The following AFG1L variants were observed in gnomAD, a reference collection of about 807,000 sequenced individuals.
AFG1L encodes the protein AFG1-like ATPase.
A neutral mutation model predicts 62.2 loss-of-function variants in AFG1L; 53 were observed. The ratio of observed to expected loss-of-function variants is 0.85; its 90% CI spans 0.68 to 1.07. The LOEUF is 1.07. AFG1L is among the 50% of genes least tolerant of loss of function. The pLI, the probability that AFG1L is intolerant of heterozygous loss-of-function variation, is 0.00. For missense variants in AFG1L, 555 were observed against 590.5 expected (o/e 0.94, Z 0.62); for synonymous variants, 228 against 210.3 (o/e 1.08, Z -0.73).
chr6:108,316,460 A>AT (rs1448463791), intron 1 of AFG1L, among the ~76,000 whole-genome samples: 2 of 151,102 alleles, frequency 1.3e-5, no homozygotes, highest in Non-Finnish European at 2.9e-5. Flanking sequence ...ATACTCACAC[A>AT]TAATTTTCTT....
At chr6:108,320,135 T>G (rs1207477696) in intron 1 of AFG1L, among the ~76,000 whole-genome samples, 4 of 152,190 alleles carry the variant, frequency 2.6e-5, no homozygotes, top group African/African-American at 9.6e-5. Context: ...AAATCACATT[T>G]GGATTTTAGT....
chr6:108,318,334 G>T, intron 1 of AFG1L: 2 of 398,740 alleles, frequency 5.0e-6, no homozygotes, highest in Admixed American at 3.0e-5. Flanking sequence ...CTAAGAGAAT[G>T]CTGGCCATAA....
At chr6:108,418,933 A>G (rs1770460389) in intron 7 of AFG1L, among the ~76,000 whole-genome samples, 1 of 152,160 alleles carries the variant, frequency 6.6e-6, no homozygotes, top group African/African-American at 2.4e-5. Context: ...TGAAGATTAG[A>G]TTGCCTGGCA....
chr6:108,491,114 C>T (rs1457231116), intron 10 of AFG1L, among the ~76,000 whole-genome samples: 8 of 152,166 alleles, frequency 5.3e-5, no homozygotes, highest in African/African-American at 9.7e-5. Flanking sequence ...CAACCATATA[C>T]ACACAGAATT....
intron 7 of AFG1L, among the ~76,000 whole-genome samples, chr6:108,410,664 TA>T (rs1258795462): frequency 2.0e-5 from 3 of 152,150 alleles, no homozygotes; most frequent in African/African-American, 7.2e-5. Context: ...GATATTGTGG[TA>T]AGAAAATATT....
At chr6:108,494,437 C>CA (rs1161411291) in intron 10 of AFG1L, among the ~76,000 whole-genome samples, 7 of 151,532 alleles carry the variant, frequency 4.6e-5, no homozygotes, top group African/African-American at 1.7e-4. Context: ...ATATGCCCCC[C>CA]CCACCCCGCA....
intron 8 of AFG1L, 30 bp from the exon 9 acceptor site, chr6:108,476,835 T>C: frequency 6.4e-7 from 1 of 1,562,024 alleles, no homozygotes; most frequent in South Asian, 1.1e-5. Flanking sequence ...GTGTTATTAA[T>C]TTCATATTCT....
chr6:108,331,038 G>A (rs575086955), intron 2 of AFG1L, among the ~76,000 whole-genome samples: 51 of 152,038 alleles, frequency 3.4e-4, no homozygotes, highest in African/African-American at 1.1e-3. Flanking sequence ...CTGTAATTCC[G>A]GCATTTTGAG....
At chr6:108,453,690 A>G (rs528416057) in intron 8 of AFG1L, among the ~76,000 whole-genome samples, 31 of 152,344 alleles carry the variant, frequency 2.0e-4, no homozygotes, top group African/African-American at 7.2e-4. Context: ...CATTTCTTAG[A>G]GTGATCATCA....
chr6:108,411,797 G>A lies in AFG1L; in HGVS notation c.807+9743G>A, dbSNP rs146447868. ...GACCAAAGGTAGATAAAACCACAAAGATGGGGAGAAACCAGAGCAGAGAAG... is the reference window on the plus strand; with the variant it reads ...GACCAAAGGTAGATAAAACCACAAAAATGGGGAGAAACCAGAGCAGAGAAG... On this transcript the variant is annotated intron_variant, in intron 7 of 12. Transcript: ENST00000368977. Among the ~76,000 whole-genome samples the A allele has an allele frequency of 6.4e-3, 978 of 152,328 alleles. 5 individuals carry two copies. The highest frequency in any genetic ancestry group is 0.023 in the African/African-American group (940 of 41,578).
intron 2 of AFG1L, among the ~76,000 whole-genome samples, chr6:108,335,795 G>C (rs183397788): frequency 6.6e-6 from 1 of 152,334 alleles, no homozygotes; most frequent in African/African-American, 2.4e-5. Context: ...GCTGTCATTT[G>C]TCTCCCAGTG....
chr6:108,402,905 TTAAA>T (rs1394586755), intron 7 of AFG1L, among the ~76,000 whole-genome samples: 1 of 152,184 alleles, frequency 6.6e-6, no homozygotes, highest in Non-Finnish European at 1.5e-5. Flanking sequence ...CATAAATTGT[TTAAA>T]TATTTGTGTG....
intron 2 of AFG1L, among the ~76,000 whole-genome samples, chr6:108,330,951 T>C (rs1028948381): frequency 1.3e-5 from 2 of 152,184 alleles, no homozygotes; most frequent in African/African-American, 2.4e-5. Context: ...GTAGGATTTA[T>C]GATTTTATGA....
At chr6:108,510,143 A>C in intron 10 of AFG1L, 69 bp from the exon 11 acceptor site, 1 of 1,243,498 alleles carries the variant, frequency 8.0e-7, no homozygotes, top group Non-Finnish European at 1.1e-6. Context: ...GTGTTTTTAC[A>C]CTAAACCACT....
At chr6:108,511,630 T>C (rs1347316396) in intron 11 of AFG1L, among the ~76,000 whole-genome samples, 1 of 152,248 alleles carries the variant, frequency 6.6e-6, no homozygotes, top group Non-Finnish European at 1.5e-5. Flanking sequence ...AAGTACAATT[T>C]GAAATTAGAG....
At chr6:108,509,909 A>C (rs1774574553) in intron 10 of AFG1L, among the ~76,000 whole-genome samples, 1 of 152,190 alleles carries the variant, frequency 6.6e-6, no homozygotes, top group Admixed American at 6.5e-5. Context: ...ATCTTTTGTA[A>C]ACCGGAAAGT....
chr6:108,338,000 A>G (rs1778534534), intron 2 of AFG1L, among the ~76,000 whole-genome samples: 1 of 152,154 alleles, frequency 6.6e-6, no homozygotes. Context: ...AGCTTGTGCA[A>G]CATAGGGAGA....
intron 3 of AFG1L, 149 bp downstream of exon 3, chr6:108,347,188 G>A: frequency 1.1e-5 from 7 of 665,130 alleles, no homozygotes; most frequent in Non-Finnish European, 1.9e-5. Flanking sequence ...AAAAGGGAGA[G>A]AGGGCAGTTA....
intron 3 of AFG1L, among the ~76,000 whole-genome samples, chr6:108,353,051 T>C (rs2114446240): frequency 6.6e-6 from 1 of 152,306 alleles, no homozygotes; most frequent in East Asian, 1.9e-4. Context: ...AATTCTGCTG[T>C]GAATATTGAA....
Sources: allele counts gnomAD v4.1 joint callset (sites outside exome capture counted in the v4.1 genomes callset), GRCh38; gene constraint gnomAD v4.1.1; transcripts MANE v1.5; gene names NCBI Gene and HGNC (gene_info 2026-07-23, HGNC 2026-07-21).